The following FNDC3B variants were observed in gnomAD, a reference collection of about 807,000 sequenced individuals.
The protein encoded by FNDC3B is fibronectin type III domain containing 3B, also known as fibronectin type III domain-containing protein 3B.
Under a neutral mutation model 151.5 loss-of-function variants are expected in FNDC3B, and 12 were observed. The observed-to-expected ratio is 0.08, with a 90% CI of 0.05 to 0.13. The LOEUF (loss-of-function observed/expected upper bound fraction) is 0.13, where lower values mean the gene tolerates loss of function less well. Among genes scored for constraint, FNDC3B ranks in the 10% least tolerant of loss-of-function variants. The pLI, the probability that FNDC3B is intolerant of heterozygous loss-of-function variation, is 1.00. For missense variants in FNDC3B, 1,214 were observed against 1,505.3 expected (o/e 0.81, Z 3.20); for synonymous variants, 528 against 549.0 (o/e 0.96, Z 0.54).
At chr3:172,198,553 G>A (rs1359955667) in intron 3 of FNDC3B, among the ~76,000 whole-genome samples, 2 of 152,126 alleles carry the variant, frequency 1.3e-5, no homozygotes, top group East Asian at 1.9e-4. Context: ...TCTGACACGT[G>A]TACATGTAAC....
At position 172,399,363 on chromosome 3, in the gene FNDC3B, AAAGAT is replaced by A. The variant is rs1275125102; in HGVS notation, c.*1893_*1897del. On this transcript the variant is annotated 3_prime_UTR_variant, in exon 26 of 26. Transcript: ENST00000415807. ...TTCTGACATTTTCTTATGTTTTTAAAAAGATAAGAGCATCTAGTGCATTAAATGCC... is the reference window on the plus strand; with the variant it reads ...TTCTGACATTTTCTTATGTTTTTAAAAAGAGCATCTAGTGCATTAAATGCC... 6.6e-6 allele frequency: 1 copy of A among 152,594 alleles called. No individual in the cohort carries two copies. Among genetic ancestry groups the A allele is most frequent in the Non-Finnish European group, 1.5e-5 (1 of 68,032 alleles). 9.5% of individuals were successfully genotyped at this position (152,594 alleles called of 1,614,324 possible).
chr3:172,382,738 T>G (rs890685029), intron 25 of FNDC3B, among the ~76,000 whole-genome samples: 1 of 152,234 alleles, frequency 6.6e-6, no homozygotes, highest in African/African-American at 2.4e-5. Flanking sequence ...CTTTCCCCAT[T>G]TCTTGTTTTT....
Position 172,251,317 on chromosome 3 carries a change from A to G in FNDC3B, c.566A>G (p.Lys189Arg). 1.2e-6 allele frequency: 2 copies of G among 1,613,860 alleles called. No individual in the cohort carries two copies. The highest frequency in any genetic ancestry group is 8.5e-7 in the Non-Finnish European group (1 of 1,179,792). The change falls in exon 6 of 26, where the codon AAG becomes AGG. Residue 189 changes from lysine to arginine, a missense_variant. Coordinates refer to ENST00000415807, the MANE Select transcript of FNDC3B (RefSeq NM_022763.4). ...ATCACCCGAGAAGACCAGTACAGCAAGCCTCCGCACAAAAAACTGAAAGAC... is the reference window on the plus strand; with the variant it reads ...ATCACCCGAGAAGACCAGTACAGCAGGCCTCCGCACAAAAAACTGAAAGAC... ...TYITREDQYS[K>R]PPHKKLKDRQ...
chr3:172,232,908 C>T (rs1000662035), intron 4 of FNDC3B, among the ~76,000 whole-genome samples: 5 of 152,154 alleles, frequency 3.3e-5, no homozygotes, highest in Admixed American at 2.6e-4. Context: ...AGGTGTGGCA[C>T]TCAGTAAGTA....
intron 25 of FNDC3B, among the ~76,000 whole-genome samples, chr3:172,391,414 C>T (rs1736002119): frequency 6.6e-6 from 1 of 152,036 alleles, no homozygotes; most frequent in Admixed American, 6.6e-5. Flanking sequence ...GATCACAGAC[C>T]TAGTAAGTGG....
chr3:172,362,660 T>C lies in FNDC3B; in HGVS notation c.2823T>C (p.Ile941=), dbSNP rs1734424357. 3 of 1,614,142 alleles carry C rather than the reference T, an allele frequency of 1.9e-6. No homozygotes were observed. The highest frequency in any genetic ancestry group is 1.6e-4 in the Middle Eastern group (1 of 6,062). ...TCAGAATTCAGGCTATAAATGAAAT[T>C]GGAGCTGGACCATTTAGTCAGTTCA... ...YRIRIQAINE[I]GAGPFSQFIK... is the part of the protein sequence containing the mutation. The change falls in exon 23 of 26, where the codon ATT becomes ATC. Residue 941 remains isoleucine, a synonymous_variant. Coordinates refer to ENST00000415807, the MANE Select transcript of FNDC3B (RefSeq NM_022763.4).
At position 172,390,975 on chromosome 3, in the gene FNDC3B, G is replaced by A. The variant is rs182220429; in HGVS notation, c.3304-6189G>A. Among the ~76,000 whole-genome samples, 341 of 152,250 alleles carry A rather than the reference G, an allele frequency of 2.2e-3. 1 individual carries two copies. Among genetic ancestry groups the A allele is most frequent in the African/African-American group, 7.8e-3 (323 of 41,540 alleles). On this transcript the variant is annotated intron_variant, in intron 25 of 25. Transcript: ENST00000415807. ...CTATGGGAAGACATAGTCAGAGGCC[G>A]TGAAACCTGGACCCGGTGTCACACT...
chr3:172,096,855 C>A (rs12696328), intron 1 of FNDC3B, among the ~76,000 whole-genome samples: 3 of 151,258 alleles, frequency 2.0e-5, no homozygotes, highest in Admixed American at 1.3e-4. Context: ...AAATACGGGC[C>A]AAATATTTTT....
intron 3 of FNDC3B, chr3:172,186,832 C>T (rs189661395): frequency 8.8e-5 from 59 of 668,606 alleles, no homozygotes; most frequent in African/African-American, 4.9e-4. Context: ...ACGAGCACTT[C>T]GCGGTGTGGC....
rs764027943 is a variant in FNDC3B at position 172,330,560 on chromosome 3, G to A, written c.1399G>A (p.Val467Met). The part of the protein sequence containing the change: ...IGTSGYSQEV[V>M]CYTLGNIPQM... ...CTACAGTGGTTATAGCCAAGAGGTG[G>A]TGTGCTACACATTAGGAAATATCCC... Residue 467 changes from valine to methionine, a missense_variant, in exon 13 of 26, where the codon GTG becomes ATG. Physicochemically the swap from Val to Met is conservative, Grantham distance 21 (BLOSUM62 1). Coordinates refer to ENST00000415807, the MANE Select transcript of FNDC3B (RefSeq NM_022763.4). The A allele has an allele frequency of 3.7e-6, 6 of 1,613,408 alleles. No homozygotes were observed. Among genetic ancestry groups the A allele is most frequent in the African/African-American group, 2.7e-5 (2 of 74,998 alleles).
chr3:172,296,183 AGTTTT>A (rs1730593669), intron 8 of FNDC3B, among the ~76,000 whole-genome samples: 2 of 152,196 alleles, frequency 1.3e-5, no homozygotes, highest in Non-Finnish European at 1.5e-5. Flanking sequence ...TCAGAAAGTT[AGTTTT>A]GTTTTAACTG....
At chr3:172,096,051 C>T (rs535197065) in intron 1 of FNDC3B, among the ~76,000 whole-genome samples, 2 of 152,288 alleles carry the variant, frequency 1.3e-5, no homozygotes, top group Admixed American at 6.5e-5. Context: ...TAAGCCACAT[C>T]GTACATATTG....
intron 3 of FNDC3B, among the ~76,000 whole-genome samples, chr3:172,191,329 C>T (rs999275997): frequency 1.3e-5 from 2 of 152,142 alleles, no homozygotes; most frequent in Admixed American, 6.5e-5. Flanking sequence ...ACATTTGCTT[C>T]GTGCTGGGCA....
At chr3:172,117,385 T>C (rs1422461341) in intron 2 of FNDC3B, among the ~76,000 whole-genome samples, 1 of 152,246 alleles carries the variant, frequency 6.6e-6, no homozygotes, top group Non-Finnish European at 1.5e-5. Context: ...TGTGGTATAT[T>C]AACTTACCTG....
intron 3 of FNDC3B, among the ~76,000 whole-genome samples, chr3:172,140,719 T>C (rs778780385): frequency 1.3e-5 from 2 of 152,230 alleles, no homozygotes; most frequent in Non-Finnish European, 2.9e-5. Flanking sequence ...TGTAATGTCA[T>C]GAGGCTGGGT....
chr3:172,160,331 T>C (rs1722706392), intron 3 of FNDC3B, among the ~76,000 whole-genome samples: 2 of 152,192 alleles, frequency 1.3e-5, no homozygotes, highest in African/African-American at 4.8e-5. Flanking sequence ...CTCTTGTGCC[T>C]CCCAGGGACT....
In FNDC3B at chr3:172,398,300, C is replaced by T. The variant is rs1479764031; in HGVS notation, c.*825C>T. The T allele has an allele frequency of 1.3e-5, 2 of 152,600 alleles. No homozygotes were observed. The highest frequency in any genetic ancestry group is 2.9e-5 in the Non-Finnish European group (2 of 68,040). 9.5% of individuals were successfully genotyped at this position (152,600 alleles called of 1,614,324 possible). A position where few individuals can be genotyped will look rare whatever the true frequency, so the allele number is the denominator to read the frequency against. The stretch of plus-strand genomic sequence containing the variant: ...TATATAACTACTTCTAATCTAATCA[C>T]TAGAGTTATTATATTCTGTTATGTT... On this transcript the variant is annotated 3_prime_UTR_variant, in exon 26 of 26. Coordinates refer to ENST00000415807, the MANE Select transcript of FNDC3B (RefSeq NM_022763.4).
At chr3:172,371,817 A>G (rs1279670627) in intron 23 of FNDC3B, among the ~76,000 whole-genome samples, 3 of 152,198 alleles carry the variant, frequency 2.0e-5, no homozygotes, top group African/African-American at 7.2e-5. Flanking sequence ...AACCTCATGG[A>G]GTGAAAATGA....
chr3:172,181,480 A>G (rs1723902831), intron 3 of FNDC3B, among the ~76,000 whole-genome samples: 1 of 151,644 alleles, frequency 6.6e-6, no homozygotes, highest in East Asian at 1.9e-4. Context: ...GTCTTCTTCA[A>G]AGACAGCCTT....
Sources: allele counts gnomAD v4.1 joint callset (sites outside exome capture counted in the v4.1 genomes callset), GRCh38; gene constraint gnomAD v4.1.1; transcripts MANE v1.5; gene names NCBI Gene and HGNC (gene_info 2026-07-23, HGNC 2026-07-21).